EYS: variants seen among roughly 807,000 people sequenced by gnomAD.
EYS encodes EGF-like photoreceptor maintenance factor.
Under a neutral mutation model 282.1 loss-of-function variants are expected in EYS, and 250 were observed. That is an observed-to-expected ratio of 0.89 (90% confidence interval 0.80 to 0.98). The LOEUF (loss-of-function observed/expected upper bound fraction) is 0.98, where lower values mean the gene tolerates loss of function less well. Among genes scored for constraint, EYS ranks in the 50% least tolerant of loss-of-function variants. The pLI is 0.00. For synonymous variants in EYS, 1,355 were observed against 1,282.9 expected (o/e 1.06, Z -1.20); for missense variants, 4,016 against 3,709.0 (o/e 1.08, Z -2.15).
At chr6:64,826,628 C>A (rs1330536463) in intron 19 of EYS, among the ~76,000 whole-genome samples, 2 of 149,562 alleles carry the variant, frequency 1.3e-5, no homozygotes, top group African/African-American at 4.9e-5. Context: ...CGTGCATCAA[C>A]AATATTATAA....
chr6:65,198,152 A>G (rs1351184079), intron 12 of EYS, among the ~76,000 whole-genome samples: 3 of 151,870 alleles, frequency 2.0e-5, no homozygotes, highest in Non-Finnish European at 4.4e-5. Context: ...AGAAACACAC[A>G]CATTAGCTTA....
intron 12 of EYS, among the ~76,000 whole-genome samples, chr6:65,140,617 T>A (rs1455899381): frequency 1.3e-5 from 2 of 150,748 alleles, no homozygotes; most frequent in African/African-American, 4.9e-5. Flanking sequence ...ATATCCAGAA[T>A]CTACAATGAA....
intron 2 of EYS, among the ~76,000 whole-genome samples, chr6:65,588,092 T>C (rs958624816): frequency 3.3e-5 from 5 of 152,076 alleles, no homozygotes; most frequent in African/African-American, 1.2e-4. Flanking sequence ...GTGACAGTGA[T>C]TAAATTCTAA....
intron 40 of EYS, among the ~76,000 whole-genome samples, chr6:63,768,937 G>A (rs1769864546): frequency 6.6e-6 from 1 of 152,046 alleles, no homozygotes; most frequent in Non-Finnish European, 1.5e-5. Context: ...GAATGCAGCT[G>A]GAGGCCATTA....
At chr6:64,733,050 A>G (rs1324966572) in intron 22 of EYS, 1 of 152,258 alleles carries the variant, frequency 6.6e-6, no homozygotes, top group African/African-American at 2.4e-5. Context: ...TGTAATTGCA[A>G]CAATGGCATC....
At chr6:64,505,850 G>T (rs1422804016) in intron 26 of EYS, among the ~76,000 whole-genome samples, 1 of 152,084 alleles carries the variant, frequency 6.6e-6, no homozygotes, top group Non-Finnish European at 1.5e-5. Context: ...CTTGCTTTTT[G>T]GTACAATAGA....
intron 30 of EYS, among the ~76,000 whole-genome samples, chr6:64,277,092 T>C (rs942593062): frequency 2.0e-5 from 3 of 152,142 alleles, no homozygotes; most frequent in African/African-American, 7.2e-5. Flanking sequence ...ATAGAATACA[T>C]AGAAATTCTC....
At chr6:64,555,641 A>G (rs918132162) in intron 26 of EYS, among the ~76,000 whole-genome samples, 3 of 151,758 alleles carry the variant, frequency 2.0e-5, no homozygotes, top group African/African-American at 7.2e-5. Context: ...TTTAAAAAAT[A>G]TATGTACAAA....
intron 30 of EYS, among the ~76,000 whole-genome samples, chr6:64,278,477 T>C (rs778388404): frequency 1.3e-4 from 20 of 152,258 alleles, no homozygotes; most frequent in African/African-American, 4.3e-4. Flanking sequence ...TGTAAATTCT[T>C]GAGATATTCT....
intron 26 of EYS, among the ~76,000 whole-genome samples, chr6:64,440,288 T>C (rs1405015021): frequency 1.3e-5 from 2 of 152,028 alleles, no homozygotes; most frequent in African/African-American, 4.8e-5. Flanking sequence ...ATGTGTGCTG[T>C]CTTTATTTGG....
intron 36 of EYS, among the ~76,000 whole-genome samples, chr6:63,863,750 A>G (rs1772604047): frequency 7.0e-6 from 1 of 143,126 alleles, no homozygotes; most frequent in Non-Finnish European, 1.5e-5. Context: ...ATTTCGGCTC[A>G]CTGCAACCTC....
At chr6:63,867,723 G>A (rs926101934) in intron 35 of EYS, among the ~76,000 whole-genome samples, 1 of 152,164 alleles carries the variant, frequency 6.6e-6, no homozygotes, top group Non-Finnish European at 1.5e-5. Flanking sequence ...GTTACTAAAA[G>A]CTGGTCTGTG....
At chr6:64,548,541 A>C (rs928714127) in intron 26 of EYS, among the ~76,000 whole-genome samples, 1 of 152,178 alleles carries the variant, frequency 6.6e-6, no homozygotes, top group Admixed American at 6.5e-5. Flanking sequence ...ACATGGATGA[A>C]GCAGGAAACC....
At chr6:64,786,540 A>G (rs1020699854) in intron 22 of EYS, among the ~76,000 whole-genome samples, 1 of 152,108 alleles carries the variant, frequency 6.6e-6, no homozygotes, top group Non-Finnish European at 1.5e-5. Flanking sequence ...TGCCAGCAAC[A>G]TGTGGGGCAG....
At chr6:64,869,445 A>G (rs1193678360) in intron 19 of EYS, among the ~76,000 whole-genome samples, 8 of 151,734 alleles carry the variant, frequency 5.3e-5, no homozygotes, top group East Asian at 3.9e-4. Flanking sequence ...TGAGATAATT[A>G]CAAACTAAGG....
At chr6:64,984,542 A>G (rs1770786432) in intron 14 of EYS, among the ~76,000 whole-genome samples, 1 of 151,488 alleles carries the variant, frequency 6.6e-6, no homozygotes, top group African/African-American at 2.4e-5. Flanking sequence ...AAATTAAAAA[A>G]GGAAGTTCAA....
chr6:64,614,959 G>A lies in EYS; in HGVS notation c.3684+2459C>T, dbSNP rs1012098830. Among the ~76,000 whole-genome samples, 9 of 152,138 alleles carry A rather than the reference G, an allele frequency of 5.9e-5. No individual in the cohort carries two copies. In the South Asian group the frequency reaches 8.3e-4, roughly 14 times the overall value. On this transcript the variant is annotated intron_variant, in intron 24 of 42. Coordinates refer to ENST00000503581, the MANE Select transcript of EYS (RefSeq NM_001142800.2). ...TACTGCAACGTCCAGTGTTGTCTTC[G>A]TCCTTCAGGAGTTTACAGTGTTTCA... is the stretch of plus-strand genomic sequence containing the variant.
chr6:63,746,250 C>A (rs1160178347), intron 41 of EYS, among the ~76,000 whole-genome samples: 1 of 152,158 alleles, frequency 6.6e-6, no homozygotes, highest in Non-Finnish European at 1.5e-5. Flanking sequence ...TATGTTGAAC[C>A]AACCTTGTAT....
chr6:64,056,081 C>T (rs1032952976), intron 33 of EYS, among the ~76,000 whole-genome samples: 4 of 152,148 alleles, frequency 2.6e-5, no homozygotes, highest in African/African-American at 9.7e-5. Flanking sequence ...CCCTTACAGA[C>T]AGCTGAGGCC....
Sources: gnomAD v4.1 joint callset for allele counts (sites outside exome capture counted in the v4.1 genomes callset) on GRCh38, gnomAD v4.1.1 for gene constraint, MANE v1.5 for transcripts, NCBI Gene and HGNC (gene_info 2026-07-23, HGNC 2026-07-21) for gene names.